RYR3: variants seen among roughly 807,000 people sequenced by gnomAD.
RYR3 encodes brain ryanodine receptor-calcium release channel.
RYR3 carries 207 observed loss-of-function variants against 584.3 expected under a neutral mutation model. That is an observed-to-expected ratio of 0.35 (90% CI 0.32 to 0.40). RYR3 has a LOEUF of 0.40. Among genes scored for constraint, RYR3 ranks in the 10% least tolerant of loss-of-function variants. The pLI, the probability that RYR3 is intolerant of heterozygous loss-of-function variation, is 1.00. For synonymous variants in RYR3, 2,416 were observed against 2,248.5 expected (o/e 1.07, Z -2.11); for missense variants, 5,616 against 6,089.2 (o/e 0.92, Z 2.59).
chr15:33,837,009 A>C, intron 88 of RYR3, 22 bp downstream of exon 88: 1 of 1,573,532 alleles, frequency 6.4e-7, no homozygotes, highest in Non-Finnish European at 8.7e-7. Flanking sequence ...TGGTATAACT[A>C]GGCCTTCACA....
chr15:33,436,237 T>C (rs887237396), intron 1 of RYR3, among the ~76,000 whole-genome samples: 2 of 152,214 alleles, frequency 1.3e-5, no homozygotes, highest in African/African-American at 2.4e-5. Context: ...TCCTTTTTTT[T>C]CAAATCTGAT....
At chr15:33,380,098 T>C (rs892405503) in intron 1 of RYR3, among the ~76,000 whole-genome samples, 2 of 152,188 alleles carry the variant, frequency 1.3e-5, no homozygotes, top group African/African-American at 2.4e-5. Context: ...CCTCTCCCAG[T>C]TCACTGACTC....
At position 33,748,129 on chromosome 15, in the gene RYR3, C is replaced by G; in HGVS notation, c.8005C>G (p.Arg2669Gly). 1 of 1,613,670 alleles carries G rather than the reference C, an allele frequency of 6.2e-7. No individual in the cohort carries two copies. Among genetic ancestry groups the G allele is most frequent in the Non-Finnish European group, 8.5e-7 (1 of 1,179,818 alleles). ...TCTCTTCTAGGAGAAGGAAATTTAT[C>G]GCTGGCCTGCGCGAGAGTCCCTGAA... ...TLTEKEKEIY[R>G]WPARESLKTM... is the part of the protein sequence containing the mutation. Residue 2669 changes from arginine (R) to glycine (G), a missense_variant, in exon 54 of 104, where the codon CGC becomes GGC. This residue lies in a region of RYR3 where 1,280 missense variants were observed against 1,426.2 expected (regional missense o/e 0.90). Coordinates refer to ENST00000634891, the MANE Select transcript of RYR3 (RefSeq NM_001036.6).
At position 33,613,238 on chromosome 15, in the gene RYR3, C is replaced by A; in HGVS notation, c.2220C>A (p.Asp740Glu). 6.2e-7 allele frequency: 1 copy of A among 1,613,888 alleles called. No homozygotes were observed. The highest frequency in any genetic ancestry group is 2.2e-5 in the East Asian group (1 of 44,866). Residue 740 changes from aspartate to glutamate, a missense_variant, in exon 19 of 104, where the codon GAC (aspartate) becomes GAA (glutamate). Physicochemically the swap from Asp to Glu is conservative, Grantham distance 45. Coordinates refer to ENST00000634891, the MANE Select transcript of RYR3 (RefSeq NM_001036.6). Reference protein sequence around the residue: ...SINQHLLRSDDVVSCCLDLGV... With the variant: ...SINQHLLRSDEVVSCCLDLGV... ...ACCAGCACCTCCTGAGATCGGATGA[C>A]GTGGTAAGCTGCTGCCTGGACCTCG... is the stretch of plus-strand genomic sequence containing the variant.
At chr15:33,789,648 A>ATTTTTTT (rs2074995932) in intron 67 of RYR3, among the ~76,000 whole-genome samples, 1 of 24,350 alleles carries the variant, frequency 4.1e-5, no homozygotes, top group Non-Finnish European at 7.3e-5. Context: ...ATATATATAT[A>ATTTTTTT]TATATATATA....
intron 1 of RYR3, among the ~76,000 whole-genome samples, chr15:33,387,299 C>G (rs180707429): frequency 6.6e-6 from 1 of 152,254 alleles, no homozygotes; most frequent in East Asian, 1.9e-4. Flanking sequence ...CATAGGTGTA[C>G]AAATATTTCT....
At chr15:33,391,230 T>C (rs561337688) in intron 1 of RYR3, among the ~76,000 whole-genome samples, 38 of 152,254 alleles carry the variant, frequency 2.5e-4, no homozygotes, top group African/African-American at 8.7e-4. Flanking sequence ...ATTCCAACCG[T>C]TTTGAACTGG....
rs146989468 is a variant in RYR3 at position 33,589,239 on chromosome 15, G to C, written c.1788+3123G>C. On this transcript the variant is annotated intron_variant, in intron 16 of 103. Transcript: ENST00000634891. Reference sequence around the variant, plus strand: ...ACGCTGAGCATTTTTTCATATGCTTGTTGGCCATTCGTGTGTCTTCGTTTG... The same window carrying C: ...ACGCTGAGCATTTTTTCATATGCTTCTTGGCCATTCGTGTGTCTTCGTTTG... Among the ~76,000 whole-genome samples the C allele has an allele frequency of 4.3e-4, 65 of 152,282 alleles. No individual in the cohort carries two copies. The East Asian group carries it at 0.012, about 28-fold the overall frequency.
At chr15:33,703,758 A>G (rs2066472462) in intron 42 of RYR3, among the ~76,000 whole-genome samples, 1 of 152,182 alleles carries the variant, frequency 6.6e-6, no homozygotes, top group South Asian at 2.1e-4. Context: ...TTTTTACAAT[A>G]ATATTTTGAG....
chr15:33,771,034 T>G (rs1284181021), intron 62 of RYR3, among the ~76,000 whole-genome samples: 2 of 152,240 alleles, frequency 1.3e-5, no homozygotes, highest in African/African-American at 2.4e-5. Context: ...AGATCACATT[T>G]CAATGTTTTG....
intron 16 of RYR3, among the ~76,000 whole-genome samples, chr15:33,595,011 A>G (rs1450312148): frequency 6.6e-6 from 1 of 152,248 alleles, no homozygotes; most frequent in Non-Finnish European, 1.5e-5. Context: ...TAATTTTTAT[A>G]CCAAATAAGC....
At chr15:33,402,730 G>A (rs1015152446) in intron 1 of RYR3, among the ~76,000 whole-genome samples, 2 of 152,232 alleles carry the variant, frequency 1.3e-5, no homozygotes, top group Non-Finnish European at 2.9e-5. Context: ...AGGCAGAGGG[G>A]CCCCAGGACG....
intron 2 of RYR3, among the ~76,000 whole-genome samples, chr15:33,491,564 AC>A (rs1358366603): frequency 6.6e-6 from 1 of 152,198 alleles, no homozygotes; most frequent in African/African-American, 2.4e-5. Flanking sequence ...AGTGAACTCA[AC>A]CATTATGTAT....
intron 1 of RYR3, among the ~76,000 whole-genome samples, chr15:33,456,207 T>C (rs1174654568): frequency 6.6e-6 from 1 of 152,198 alleles, no homozygotes; most frequent in Non-Finnish European, 1.5e-5. Flanking sequence ...CTTCCATATA[T>C]CAATCCTTCC....
At chr15:33,802,093 T>A (rs989183443) in intron 69 of RYR3, 132 bp downstream of exon 69, 1 of 777,428 alleles carries the variant, frequency 1.3e-6, no homozygotes, top group South Asian at 1.4e-5. Flanking sequence ...CAGTCTCTGC[T>A]GCTGTTTCTT....
chr15:33,561,026 G>A (rs6495169), intron 10 of RYR3, among the ~76,000 whole-genome samples: 27,824 of 152,150 alleles, frequency 0.18, 4,355 homozygotes, highest in African/African-American at 0.43. Context: ...AATGCTGTGC[G>A]AAATAATTTT....
At chr15:33,480,802 G>A (rs1443293255) in intron 2 of RYR3, among the ~76,000 whole-genome samples, 2 of 152,182 alleles carry the variant, frequency 1.3e-5, no homozygotes, top group Admixed American at 6.5e-5. Context: ...CAGGTGTCTT[G>A]AAAACATGGT....
chr15:33,727,126 C>T (rs2068529332), intron 46 of RYR3, among the ~76,000 whole-genome samples: 1 of 152,146 alleles, frequency 6.6e-6, no homozygotes, highest in Non-Finnish European at 1.5e-5. Context: ...GCAGTTGGGG[C>T]ACAGACGGGC....
intron 38 of RYR3, among the ~76,000 whole-genome samples, chr15:33,693,004 T>C (rs756943277): frequency 6.6e-6 from 1 of 152,234 alleles, no homozygotes; most frequent in Non-Finnish European, 1.5e-5. Context: ...ATCTGATTAT[T>C]GCTTTTCCAG....
Sources: gnomAD v4.1 joint callset for allele counts (sites outside exome capture counted in the v4.1 genomes callset) on GRCh38, gnomAD v4.1.1 for gene constraint, gnomAD v4.1.1 regional missense constraint, MANE v1.5 for transcripts, NCBI Gene and HGNC (gene_info 2026-07-23, HGNC 2026-07-21) for gene names.